The following LGSN variants were observed in gnomAD, a reference collection of about 807,000 sequenced individuals.
The protein encoded by LGSN is lengsin, lens protein with glutamine synthetase domain, also known as lengsin.
LGSN carries 21 observed loss-of-function variants against 19.5 expected under a neutral mutation model. That is an observed-to-expected ratio of 1.07 (90% confidence interval 0.76 to 1.55). LGSN has a LOEUF of 1.55. Among genes scored for constraint, LGSN ranks in the 40% most tolerant of loss-of-function variants. The pLI is 0.00. For synonymous variants in LGSN, 257 were observed against 215.6 expected, an observed-to-expected ratio of 1.19 and a Z score of -1.68; for missense variants, 673 against 608.5, an observed-to-expected ratio of 1.11 and a Z score of -1.12.
the LGSN span, among the ~76,000 whole-genome samples, chr6:63,552,126 C>A: frequency 1.3e-5 from 2 of 152,152 alleles, no homozygotes; most frequent in African/African-American, 4.8e-5. Flanking sequence ...ACACTGACTT[C>A]CACAATGGTT....
At chr6:63,439,788 A>T in the LGSN span, among the ~76,000 whole-genome samples, 1 of 152,242 alleles carries the variant, frequency 6.6e-6, no homozygotes, top group African/African-American at 2.4e-5. Flanking sequence ...CCACTGCATC[A>T]TTTGTCAAAG....
chr6:63,557,674 G>A, the LGSN span, among the ~76,000 whole-genome samples: 1 of 152,086 alleles, frequency 6.6e-6, no homozygotes, highest in Admixed American at 6.5e-5. Context: ...AGAAAATGTG[G>A]CATCTATGTT....
chr6:63,463,207 G>A, the LGSN span, among the ~76,000 whole-genome samples: 2 of 152,190 alleles, frequency 1.3e-5, no homozygotes, highest in African/African-American at 4.8e-5. Context: ...ACCTCATAGA[G>A]TTGTTGTGAG....
the LGSN span, among the ~76,000 whole-genome samples, chr6:63,528,615 G>A: frequency 0.32 from 48,525 of 151,682 alleles, 7,921 homozygotes; most frequent in Admixed American, 0.4. Flanking sequence ...CAGGCATGGC[G>A]GCATGCATGG....
the LGSN span, among the ~76,000 whole-genome samples, chr6:63,326,238 A>T: frequency 6.6e-6 from 1 of 151,340 alleles, no homozygotes; most frequent in Non-Finnish European, 1.5e-5. Flanking sequence ...TGGTATATTT[A>T]CAATCCCTGA....
At chr6:63,484,117 G>T in the LGSN span, among the ~76,000 whole-genome samples, 10 of 152,026 alleles carry the variant, frequency 6.6e-5, no homozygotes, top group Non-Finnish European at 1.3e-4. Context: ...TGGCACCACT[G>T]CACTCCAGCC....
chr6:63,333,900 A>C, the LGSN span, among the ~76,000 whole-genome samples: 1 of 152,240 alleles, frequency 6.6e-6, no homozygotes, highest in African/African-American at 2.4e-5. Context: ...TAGATGCAGA[A>C]AAAGCATTTG....
chr6:63,290,390 G>T (rs1440577066), intron 2 of LGSN, among the ~76,000 whole-genome samples: 1 of 152,196 alleles, frequency 6.6e-6, no homozygotes, highest in Non-Finnish European at 1.5e-5. Context: ...CTCTTTTGTA[G>T]CTAAAACTAG....
chr6:63,412,462 GAAAA>G, the LGSN span, among the ~76,000 whole-genome samples: 4 of 108,062 alleles, frequency 3.7e-5, no homozygotes, highest in African/African-American at 1.9e-4. Flanking sequence ...AAGAAAGAAA[GAAAA>G]AGAGAGAGAA....
chr6:63,306,052 G>A (rs1250352178), intron 1 of LGSN, among the ~76,000 whole-genome samples: 1 of 151,666 alleles, frequency 6.6e-6, no homozygotes, highest in Non-Finnish European at 1.5e-5. Flanking sequence ...GGGCAACAGA[G>A]TGAGACTCTG....
chr6:63,530,991 TA>T, the LGSN span, among the ~76,000 whole-genome samples: 1 of 152,224 alleles, frequency 6.6e-6, no homozygotes, highest in African/African-American at 2.4e-5. Context: ...CCTAGCTTTA[TA>T]ATTTCAACTA....
the LGSN span, among the ~76,000 whole-genome samples, chr6:63,336,440 A>G: frequency 1.3e-5 from 2 of 151,562 alleles, no homozygotes; most frequent in Non-Finnish European, 1.5e-5. Context: ...TTCAGATGGT[A>G]TTACTAGTTT....
the LGSN span, among the ~76,000 whole-genome samples, chr6:63,354,724 G>T: frequency 1.3e-5 from 2 of 152,182 alleles, no homozygotes; most frequent in East Asian, 3.9e-4. Context: ...AGCAAAGACA[G>T]AGAATCAACC....
At chr6:63,548,829 T>C in the LGSN span, 1 of 751,668 alleles carries the variant, frequency 1.3e-6, no homozygotes, top group African/African-American at 1.7e-5. Flanking sequence ...GTATCTGTCA[T>C]TGTAGTCAGT....
At chr6:63,386,587 A>G in the LGSN span, among the ~76,000 whole-genome samples, 2 of 152,068 alleles carry the variant, frequency 1.3e-5, no homozygotes, top group Admixed American at 1.3e-4. Context: ...CCTAAATGTC[A>G]TTCTTGAAAA....
intron 1 of LGSN, among the ~76,000 whole-genome samples, chr6:63,307,878 C>T (rs937533435): frequency 6.6e-6 from 1 of 152,166 alleles, no homozygotes; most frequent in African/African-American, 2.4e-5. Context: ...AGGGGAACCT[C>T]TCAGAATCAT....
At chr6:63,525,537 A>T in the LGSN span, among the ~76,000 whole-genome samples, 3 of 152,028 alleles carry the variant, frequency 2.0e-5, no homozygotes, top group East Asian at 5.8e-4. Flanking sequence ...AGTTCATGCC[A>T]CTCTCTCAGA....
At chr6:63,481,750 G>A in the LGSN span, 1 of 249,748 alleles carries the variant, frequency 4.0e-6, no homozygotes, top group Admixed American at 5.1e-5. Context: ...AGTTACAGTG[G>A]GATACGGAAT....
chr6:63,487,710 G>T, the LGSN span, among the ~76,000 whole-genome samples: 2 of 152,190 alleles, frequency 1.3e-5, no homozygotes, highest in African/African-American at 4.8e-5. Context: ...GCTGAGCGTG[G>T]TTGCTCACGC....
Sources: gnomAD v4.1 joint callset for allele counts (sites outside exome capture counted in the v4.1 genomes callset) on GRCh38, gnomAD v4.1.1 for gene constraint, MANE v1.5 for transcripts, NCBI Gene and HGNC (gene_info 2026-07-23, HGNC 2026-07-21) for gene names.